SMARCA2: variants seen among roughly 807,000 people sequenced by gnomAD.
SMARCA2 encodes the protein SWI/SNF-related matrix-associated actin-dependent regulator of chromatin subfamily A member 2.
A neutral mutation model predicts 199.8 loss-of-function variants in SMARCA2; 61 were observed. The observed-to-expected ratio is 0.31, with a 90% confidence interval of 0.25 to 0.38. The LOEUF (loss-of-function observed/expected upper bound fraction) is 0.38. SMARCA2 is among the 10% of genes least tolerant of loss of function. The probability of loss-of-function intolerance (pLI) is 1.00; values close to 1 mark genes in which losing one functional copy is unlikely to be tolerated. For synonymous variants in SMARCA2, 935 were observed against 732.0 expected, an observed-to-expected ratio of 1.28 and a Z score of -4.48; for missense variants, 1,344 against 2,012.2, an observed-to-expected ratio of 0.67 and a Z score of 6.35.
rs573147928 is a variant in SMARCA2, at chr9:2,116,817, T to C, written c.3684+768T>C. On this transcript the variant is annotated intron_variant, in intron 25 of 33. Coordinates refer to ENST00000349721, the MANE Select transcript of SMARCA2 (RefSeq NM_003070.5). ...TACAGAATATCAGCAGAAGTCCTTA[T>C]CATAAAACTGGCTGAACATATTTTT... 1.8e-4 allele frequency among the ~76,000 whole-genome samples: 28 copies of C among 152,366 alleles called. No individual in the cohort carries two copies. The South Asian group carries it at 5.4e-3, about 29-fold the overall frequency.
At chr9:2,105,452 C>T (rs1336863351) in intron 23 of SMARCA2, among the ~76,000 whole-genome samples, 1 of 151,676 alleles carries the variant, frequency 6.6e-6, no homozygotes, top group Non-Finnish European at 1.5e-5. Context: ...TGGGGTTTCA[C>T]CATGTTGCCC....
intron 29 of SMARCA2, among the ~76,000 whole-genome samples, chr9:2,177,858 A>G (rs1239829673): frequency 1.3e-5 from 2 of 152,168 alleles, no homozygotes; most frequent in East Asian, 3.8e-4. Context: ...GGCCAGAGGT[A>G]GATTTCTTAA....
intron 27 of SMARCA2, among the ~76,000 whole-genome samples, chr9:2,132,410 A>G (rs1451436036): frequency 6.6e-6 from 1 of 152,168 alleles, no homozygotes; most frequent in African/African-American, 2.4e-5. Context: ...TCGTAGATGT[A>G]CTTTTCCCCT....
intron 27 of SMARCA2, among the ~76,000 whole-genome samples, chr9:2,139,986 A>AT (rs1334204426): frequency 3.9e-5 from 6 of 152,018 alleles, no homozygotes; most frequent in Non-Finnish European, 5.9e-5. Context: ...ATTCCCAGGA[A>AT]TGACTAAGGA....
chr9:2,048,194 C>T (rs998430988), intron 5 of SMARCA2, among the ~76,000 whole-genome samples: 1 of 152,124 alleles, frequency 6.6e-6, no homozygotes, highest in Non-Finnish European at 1.5e-5. Flanking sequence ...GGCCTGCAGG[C>T]TGTGTTTACG....
At chr9:2,180,325 C>T (rs77257246) in intron 29 of SMARCA2, among the ~76,000 whole-genome samples, 1 of 152,118 alleles carries the variant, frequency 6.6e-6, no homozygotes, top group African/African-American at 2.4e-5. Flanking sequence ...TTATGCAGGC[C>T]TCTTTGCACT....
intron 27 of SMARCA2, among the ~76,000 whole-genome samples, chr9:2,154,112 T>TGATCTGGAACAAG (rs756969453): frequency 3.3e-5 from 5 of 152,256 alleles, no homozygotes; most frequent in Non-Finnish European, 5.9e-5. Context: ...CAAGATGCTA[T>TGATCTGGAACAAG]ATCTCTCTGT....
chr9:2,086,305 A>G lies in SMARCA2; in HGVS notation c.2527-524A>G, dbSNP rs1405714882. Among the ~76,000 whole-genome samples the G allele has an allele frequency of 6.6e-6, 1 of 152,238 alleles. No homozygotes were observed. Among genetic ancestry groups the G allele is most frequent in the Non-Finnish European group, 1.5e-5 (1 of 68,038 alleles). ...AAAACACACTTCCGGGCCAAGCCCT[A>G]AAGGTAGTAACCAGCCAGGCTAATA... On this transcript the variant is annotated intron_variant, in intron 17 of 33. Coordinates refer to ENST00000349721, the MANE Select transcript of SMARCA2 (RefSeq NM_003070.5). This position sits in a 1 kb window ranked among gnomAD's most constrained non-coding sequence, Gnocchi z 4.3.
At chr9:2,084,058 A>C in intron 16 of SMARCA2, 28 bp from the exon 17 acceptor site, 1 of 1,199,668 alleles carries the variant, frequency 8.3e-7, no homozygotes, top group Non-Finnish European at 1.2e-6. Context: ...CCATAGGATC[A>C]TGCATGTATT....
At chr9:2,149,796 T>C (rs1347231526) in intron 27 of SMARCA2, among the ~76,000 whole-genome samples, 2 of 151,654 alleles carry the variant, frequency 1.3e-5, no homozygotes, top group East Asian at 3.8e-4. Flanking sequence ...GCAAATTGTC[T>C]TTGCCACATA....
chr9:2,179,172 A>T (rs571602702), intron 29 of SMARCA2, among the ~76,000 whole-genome samples: 1 of 152,084 alleles, frequency 6.6e-6, no homozygotes, highest in Non-Finnish European at 1.5e-5. Flanking sequence ...TTGCCCATGA[A>T]AGTTGGGGGT....
chr9:2,173,335 C>T (rs1194884471), intron 29 of SMARCA2, among the ~76,000 whole-genome samples: 1 of 152,196 alleles, frequency 6.6e-6, no homozygotes, highest in Non-Finnish European at 1.5e-5. Flanking sequence ...GACCAGCCAA[C>T]AGGCTCTTGT....
In SMARCA2 at chr9:2,063,752, T is replaced by TA. The variant is rs58010294; in HGVS notation, c.1692+2768dup. Among the ~76,000 whole-genome samples, 1,064 of 151,828 alleles carry TA rather than the reference T, an allele frequency of 7.0e-3. 16 individuals carry two copies. The highest frequency in any genetic ancestry group is 0.025 in the African/African-American group (1,020 of 41,372). On this transcript the variant is annotated intron_variant, in intron 9 of 33. Transcript: ENST00000349721. ...AAACTAGTGTACAATTTTTTTTTTT[T>TA]AATTCCCTAGAAGGACAGAGGCCTC...
At position 2,123,114 on chromosome 9, in the gene SMARCA2, C is replaced by G. The variant is rs977847450; in HGVS notation, c.3763-605C>G. On this transcript the variant is annotated intron_variant, in intron 26 of 33. Transcript: ENST00000349721. The surrounding 1 kb of genome is among the most constrained non-coding windows in gnomAD (Gnocchi z 4.1). The stretch of plus-strand genomic sequence containing the variant: ...AAATGTAAAGAATTGAAGAGCATTC[C>G]TCAGACAGTGCCCATGAGGTATTGA... Among the ~76,000 whole-genome samples, 3 of 152,156 alleles carry G rather than the reference C, an allele frequency of 2.0e-5. No individual in the cohort carries two copies. Among genetic ancestry groups the G allele is most frequent in the African/African-American group, 7.2e-5 (3 of 41,420 alleles).
intron 31 of SMARCA2, 30 bp from the exon 32 acceptor site, chr9:2,186,066 G>C (rs745730988): frequency 6.2e-7 from 1 of 1,609,614 alleles, no homozygotes; most frequent in Non-Finnish European, 8.5e-7. Context: ...TCAGCTTGCA[G>C]TTTTAACAGA....
At chr9:2,191,182 G>C (rs894878756) in intron 32 of SMARCA2, 84 bp from the exon 33 acceptor site, 1 of 1,302,616 alleles carries the variant, frequency 7.7e-7, no homozygotes, top group East Asian at 2.3e-5. Context: ...TGTGTTGTCT[G>C]TAGGTTGGTG....
intron 31 of SMARCA2, among the ~76,000 whole-genome samples, chr9:2,184,000 C>G (rs748329931): frequency 3.3e-5 from 5 of 152,186 alleles, no homozygotes; most frequent in Non-Finnish European, 7.3e-5. Flanking sequence ...GGTTTCTCCC[C>G]CAGGCCATCT....
chr9:2,060,437 TTA>T (rs1820538355), intron 8 of SMARCA2, among the ~76,000 whole-genome samples: 1 of 152,242 alleles, frequency 6.6e-6, no homozygotes, highest in African/African-American at 2.4e-5. Context: ...CTGCTTTTGA[TTA>T]TATTTGAAAA....
intron 19 of SMARCA2, among the ~76,000 whole-genome samples, chr9:2,092,839 G>A (rs1206503470): frequency 6.6e-6 from 1 of 152,188 alleles, no homozygotes; most frequent in Non-Finnish European, 1.5e-5. Context: ...ATTTGCTATA[G>A]CACCAGTATA....
Sources: gnomAD v4.1 joint callset for allele counts (sites outside exome capture counted in the v4.1 genomes callset) on GRCh38, gnomAD v4.1.1 for gene constraint, Gnocchi (gnomAD v3.1) non-coding constraint, MANE v1.5 for transcripts, NCBI Gene and HGNC (gene_info 2026-07-23, HGNC 2026-07-21) for gene names.